Variants in BARX2 observed in about 807,000 individuals in gnomAD.
The protein encoded by BARX2 is BARX homeobox 2, also known as homeobox protein BarH-like 2.
A neutral mutation model predicts 25.5 loss-of-function variants in BARX2; 11 were observed. That is an observed-to-expected ratio of 0.43 (90% CI 0.27 to 0.71). The LOEUF (loss-of-function observed/expected upper bound fraction) is 0.71, where lower values mean the gene tolerates loss of function less well. BARX2 is among the 30% of genes least tolerant of loss of function. BARX2 has a pLI of 0.19. For missense variants in BARX2, 360 were observed against 359.9 expected (o/e 1.00, Z 0.00); for synonymous variants, 137 against 149.5 (o/e 0.92, Z 0.61).
chr11:129,442,100 A>AAT (rs1275650975), intron 2 of BARX2, among the ~76,000 whole-genome samples: 12 of 152,208 alleles, frequency 7.9e-5, no homozygotes, highest in Non-Finnish European at 1.3e-4. Context: ...GAATCTTTAT[A>AAT]ATATTTATTT....
chr11:129,402,577 T>C (rs1861788748), intron 1 of BARX2, among the ~76,000 whole-genome samples: 1 of 152,208 alleles, frequency 6.6e-6, no homozygotes, highest in African/African-American at 2.4e-5. Flanking sequence ...TAGTATTTTA[T>C]ACAGAGAAAA....
chr11:129,383,549 T>TTCAA (rs1181766815), intron 1 of BARX2, among the ~76,000 whole-genome samples: 6 of 152,176 alleles, frequency 3.9e-5, no homozygotes, highest in Admixed American at 2.0e-4. Flanking sequence ...TTAGGTGATG[T>TTCAA]TCAAGTACAT....
intron 1 of BARX2, among the ~76,000 whole-genome samples, chr11:129,408,567 G>A (rs762497677): frequency 1.3e-5 from 2 of 152,076 alleles, no homozygotes; most frequent in Non-Finnish European, 2.9e-5. Flanking sequence ...AAGCTTTTCC[G>A]TGTTTCTGGC....
chr11:129,396,664 C>T (rs7103579), intron 1 of BARX2, among the ~76,000 whole-genome samples: 1 of 151,862 alleles, frequency 6.6e-6, no homozygotes, highest in Non-Finnish European at 1.5e-5. Context: ...GGCAGCTGTT[C>T]AACAGTGCAT....
chr11:129,413,130 T>C (rs1223198898), intron 1 of BARX2, among the ~76,000 whole-genome samples: 1 of 152,232 alleles, frequency 6.6e-6, no homozygotes, highest in Non-Finnish European at 1.5e-5. Context: ...AAAAAGTGAA[T>C]AATGGGTACA....
intron 2 of BARX2, among the ~76,000 whole-genome samples, chr11:129,438,913 G>A (rs1862224335): frequency 6.6e-6 from 1 of 152,210 alleles, no homozygotes; most frequent in African/African-American, 2.4e-5. Flanking sequence ...GGAGGGACAG[G>A]AAGTCCCGCA....
At chr11:129,406,903 A>G (rs565533050) in intron 1 of BARX2, among the ~76,000 whole-genome samples, 62 of 152,314 alleles carry the variant, frequency 4.1e-4, no homozygotes, top group Non-Finnish European at 8.1e-4. Flanking sequence ...AAAAAATGCA[A>G]CTGTGACTTT....
At chr11:129,389,859 G>T (rs1452127798) in intron 1 of BARX2, among the ~76,000 whole-genome samples, 1 of 152,084 alleles carries the variant, frequency 6.6e-6, no homozygotes, top group Non-Finnish European at 1.5e-5. Flanking sequence ...CACTTTCCTA[G>T]TATATTATTG....
At chr11:129,394,005 C>G (rs1007756775) in intron 1 of BARX2, among the ~76,000 whole-genome samples, 1 of 152,004 alleles carries the variant, frequency 6.6e-6, no homozygotes, top group Non-Finnish European at 1.5e-5. Flanking sequence ...GTTCCCCTCC[C>G]TGATGCTGTC....
intron 3 of BARX2, among the ~76,000 whole-genome samples, chr11:129,449,508 G>A (rs1340263735): frequency 2.0e-5 from 3 of 152,164 alleles, no homozygotes; most frequent in Admixed American, 6.5e-5. Context: ...CTCACTAACT[G>A]CCCAGAAAAT....
chr11:129,388,280 G>T (rs955339018), intron 1 of BARX2, among the ~76,000 whole-genome samples: 1 of 152,196 alleles, frequency 6.6e-6, no homozygotes, highest in African/African-American at 2.4e-5. Flanking sequence ...GATTCCAGAG[G>T]GATTCCAAGA....
chr11:129,376,079 T>A lies in BARX2; in HGVS notation c.44T>A (p.Leu15His). ...CTGAGGCTGAGCTCGCCCGGCCAGC[T>A]CAAAGCAGCCAGGCGGCGCTACAAG... Reference protein sequence around the residue: ...AELRLSSPGQLKAARRRYKTF... With the variant: ...AELRLSSPGQHKAARRRYKTF... Residue 15 changes from leucine (L) to histidine (H), a missense_variant, in exon 1 of 4, where the codon CTC becomes CAC. Around this residue, in one of 3 missense-constraint regions of BARX2, gnomAD observed 240 missense variants for 228.7 expected, o/e 1.05. Transcript: ENST00000281437. This position sits in a 1 kb window ranked among gnomAD's most constrained non-coding sequence, Gnocchi z 4.2. 1 of 1,610,236 alleles carries A rather than the reference T, an allele frequency of 6.2e-7. No individual in the cohort carries two copies. Among genetic ancestry groups the A allele is most frequent in the Non-Finnish European group, 8.5e-7 (1 of 1,178,522 alleles).
At chr11:129,394,497 G>A (rs929096930) in intron 1 of BARX2, among the ~76,000 whole-genome samples, 7 of 151,984 alleles carry the variant, frequency 4.6e-5, no homozygotes, top group African/African-American at 1.7e-4. Flanking sequence ...CCTATGAAGT[G>A]GGTTTATTTT....
At chr11:129,412,227 G>A (rs1463677411) in intron 1 of BARX2, among the ~76,000 whole-genome samples, 2 of 151,768 alleles carry the variant, frequency 1.3e-5, no homozygotes, top group African/African-American at 4.8e-5. Context: ...AACCGAGATC[G>A]CGTCACTGCA....
At chr11:129,396,339 C>T (rs1262466028) in intron 1 of BARX2, among the ~76,000 whole-genome samples, 1 of 151,712 alleles carries the variant, frequency 6.6e-6, no homozygotes, top group East Asian at 1.9e-4. Flanking sequence ...ATTTAGGGAT[C>T]GCCTTGGCCC....
intron 1 of BARX2, among the ~76,000 whole-genome samples, chr11:129,429,531 A>G (rs1482191641): frequency 1.3e-5 from 2 of 152,166 alleles, no homozygotes; most frequent in African/African-American, 2.4e-5. Flanking sequence ...TCTCTAAGGA[A>G]AAAAAACGGA....
chr11:129,445,044 T>TA (rs1291487458), intron 3 of BARX2, among the ~76,000 whole-genome samples: 4 of 151,494 alleles, frequency 2.6e-5, no homozygotes, highest in East Asian at 1.9e-4. Flanking sequence ...AAAAATAAAA[T>TA]AAAAAACCAA....
intron 1 of BARX2, among the ~76,000 whole-genome samples, chr11:129,380,246 A>G (rs555715308): frequency 7.2e-5 from 11 of 152,098 alleles, no homozygotes; most frequent in Admixed American, 6.5e-4. Flanking sequence ...ACATTTGGGG[A>G]AGGGTGTTTA....
At chr11:129,445,681 G>A (rs1217770733) in intron 3 of BARX2, among the ~76,000 whole-genome samples, 2 of 152,176 alleles carry the variant, frequency 1.3e-5, no homozygotes, top group African/African-American at 4.8e-5. Context: ...GATAAGACAT[G>A]AGCCTGTCCA....
Sources: allele counts gnomAD v4.1 joint callset (sites outside exome capture counted in the v4.1 genomes callset), GRCh38; gene constraint gnomAD v4.1.1; regional missense constraint gnomAD v4.1.1; non-coding constraint Gnocchi (gnomAD v3.1); transcripts MANE v1.5; gene names NCBI Gene and HGNC (gene_info 2026-07-23, HGNC 2026-07-21).